The following PCDHGA10 variants were observed in gnomAD, a reference collection of about 807,000 sequenced individuals.
The protein encoded by PCDHGA10 is protocadherin gamma-A10.
PCDHGA10 carries 42 observed loss-of-function variants against 59.5 expected under a neutral mutation model. That is an observed-to-expected ratio of 0.71 (90% CI 0.55 to 0.91). PCDHGA10 has a LOEUF of 0.91. PCDHGA10 is among the 40% of genes least tolerant of loss of function. PCDHGA10 has a pLI of 0.00. For synonymous variants in PCDHGA10, 511 were observed against 517.2 expected, an observed-to-expected ratio of 0.99 and a Z score of 0.16; for missense variants, 1,111 against 1,198.2, an observed-to-expected ratio of 0.93 and a Z score of 1.07.
intron 3 of PCDHGA10, among the ~76,000 whole-genome samples, chr5:141,509,139 A>G (rs1042555376): frequency 2.6e-5 from 4 of 152,140 alleles, no homozygotes; most frequent in African/African-American, 9.7e-5. Flanking sequence ...ACCGAGGCGC[A>G]TCCCGGCTCT....
At chr5:141,502,056 C>A (rs1163976282) in intron 2 of PCDHGA10, among the ~76,000 whole-genome samples, 1 of 152,116 alleles carries the variant, frequency 6.6e-6, no homozygotes, top group Non-Finnish European at 1.5e-5. Context: ...CTACTTTATT[C>A]CCATTAGCCC....
chr5:141,500,877 A>ATTT (rs369345007), intron 2 of PCDHGA10, among the ~76,000 whole-genome samples: 1 of 122,288 alleles, frequency 8.2e-6, no homozygotes, highest in Admixed American at 8.0e-5. Context: ...TTCATTTACA[A>ATTT]TTTTTTTTTT....
Position 141,415,153 on chromosome 5 carries a change from G to A in PCDHGA10, c.1978G>A (p.Ala660Thr). The A allele has an allele frequency of 2.5e-6, 4 of 1,613,780 alleles. No individual in the cohort carries two copies. Among genetic ancestry groups the A allele is most frequent in the South Asian group, 2.2e-5 (2 of 91,078 alleles). Residue 660 changes from alanine to threonine, a missense_variant, in exon 1 of 4, where the codon GCC (alanine) becomes ACC (threonine). By Grantham distance (58) the Ala-to-Thr change is moderately conservative. Coordinates refer to ENST00000398610, the MANE Select transcript of PCDHGA10 (RefSeq NM_018913.3). ...GGACCACGGCCAGCCCCCTCTCTCC[G>A]CCACTGTCACGCTCACCGTGGCCGT... The part of the protein sequence containing the change: ...VQDHGQPPLS[A>T]TVTLTVAVAD...
At chr5:141,418,878 A>G (rs1193526475) in intron 1 of PCDHGA10, 2 of 1,613,930 alleles carry the variant, frequency 1.2e-6, no homozygotes, top group Non-Finnish European at 8.5e-7. Context: ...GTTGTAGACG[A>G]AAACGACAAC....
intron 1 of PCDHGA10, among the ~76,000 whole-genome samples, chr5:141,443,726 TAC>T: frequency 6.6e-6 from 1 of 152,262 alleles, no homozygotes; most frequent in Admixed American, 6.5e-5. Flanking sequence ...AAATTCCTCA[TAC>T]ATTTCCCTAT....
intron 1 of PCDHGA10, chr5:141,428,419 CTCTGT>C (rs2097138377): frequency 4.4e-6 from 2 of 451,802 alleles, no homozygotes; most frequent in African/African-American, 2.0e-5. Context: ...TCACCCTGGT[CTCTGT>C]TCTAAGACTA....
chr5:141,487,512 C>T lies in PCDHGA10; in HGVS notation c.2437-7295C>T, dbSNP rs372606253. The stretch of plus-strand genomic sequence containing the variant: ...TGTACACCCTTGGCTTCTGCACCCA[C>T]TCGGAGTGATAGCTTCATGATGGTG... On this transcript the variant is annotated intron_variant, in intron 1 of 3. Transcript: ENST00000398610. This position sits in a 1 kb window ranked among gnomAD's most constrained non-coding sequence, Gnocchi z 5.0. 3.7e-6 allele frequency: 6 copies of T among 1,614,082 alleles called. No homozygotes were observed. The highest frequency in any genetic ancestry group is 5.1e-6 in the Non-Finnish European group (6 of 1,180,044).
intron 1 of PCDHGA10, among the ~76,000 whole-genome samples, chr5:141,484,454 G>A (rs932663778): frequency 6.6e-6 from 1 of 152,212 alleles, no homozygotes; most frequent in African/African-American, 2.4e-5. Context: ...AATTGGCTAC[G>A]TTAATGTGTA....
At chr5:141,462,039 T>A (rs569871892) in intron 1 of PCDHGA10, among the ~76,000 whole-genome samples, 1 of 152,276 alleles carries the variant, frequency 6.6e-6, no homozygotes, top group Non-Finnish European at 1.5e-5. Flanking sequence ...GTCAGGCGGG[T>A]CTTGAACTCC....
chr5:141,453,022 T>C (rs1222692572), intron 1 of PCDHGA10, among the ~76,000 whole-genome samples: 1 of 152,230 alleles, frequency 6.6e-6, no homozygotes, highest in Non-Finnish European at 1.5e-5. Flanking sequence ...ATGTGATTCA[T>C]TAAAATAAAG....
At chr5:141,499,289 C>T in intron 2 of PCDHGA10, among the ~76,000 whole-genome samples, 1 of 152,212 alleles carries the variant, frequency 6.6e-6, no homozygotes, top group African/African-American at 2.4e-5. Context: ...GATGGCTCCA[C>T]ACTACCATCC....
chr5:141,469,595 CAAAAT>C (rs919167679), intron 1 of PCDHGA10, among the ~76,000 whole-genome samples: 3 of 151,998 alleles, frequency 2.0e-5, no homozygotes, highest in Admixed American at 6.6e-5. Context: ...ATAAATAAAA[CAAAAT>C]AAGTAAAATA....
In PCDHGA10 at chr5:141,500,527, A is replaced by C. The variant is rs937551961; in HGVS notation, c.2496-4866A>C. On this transcript the variant is annotated intron_variant, in intron 2 of 3. Transcript: ENST00000398610. ...CCTGGCCGAGCTTCATTTTAAAAAA[A>C]TCTCATTCACCTAAATAAGTTGTTC... is the stretch of plus-strand genomic sequence containing the variant. 5.9e-5 allele frequency among the ~76,000 whole-genome samples: 9 copies of C among 152,298 alleles called. No individual in the cohort carries two copies. The South Asian group carries it at 6.2e-4, about 11-fold the overall frequency.
At chr5:141,441,818 TG>T in intron 1 of PCDHGA10, 1 of 359,922 alleles carries the variant, frequency 2.8e-6, no homozygotes, top group Non-Finnish European at 5.5e-6. Flanking sequence ...ACCCCAGCTC[TG>T]GAGCGCAATG....
chr5:141,442,414 ACTT>A (rs1258523193), intron 1 of PCDHGA10: 2 of 152,190 alleles, frequency 1.3e-5, no homozygotes, highest in Non-Finnish European at 2.9e-5. Flanking sequence ...GGCTGAGTGA[ACTT>A]CTTTTTTGAA....
At position 141,491,832 on chromosome 5, in the gene PCDHGA10, C is replaced by T. The variant is rs755882255; in HGVS notation, c.2437-2975C>T. On this transcript the variant is annotated intron_variant, in intron 1 of 3. Coordinates refer to ENST00000398610, the MANE Select transcript of PCDHGA10 (RefSeq NM_018913.3). The surrounding 1 kb of genome is among the most constrained non-coding windows in gnomAD (Gnocchi z 6.9). ...GTCGCTGGCTGCGCTCCACCCGATT[C>T]TCGGGATCATTGGACCGTTTGCGCG... 1.6e-5 allele frequency: 24 copies of T among 1,474,306 alleles called. No individual in the cohort carries two copies. The highest frequency in any genetic ancestry group is 2.0e-5 in the Non-Finnish European group (22 of 1,112,688). 91.3% of individuals were successfully genotyped at this position (1,474,306 alleles called of 1,614,324 possible). A position where few individuals can be genotyped will look rare whatever the true frequency, so the allele number is the denominator to read the frequency against.
intron 1 of PCDHGA10, among the ~76,000 whole-genome samples, chr5:141,466,021 G>A (rs2099115061): frequency 6.6e-6 from 1 of 151,934 alleles, no homozygotes; most frequent in Admixed American, 6.6e-5. Flanking sequence ...ACTCGGGAGG[G>A]TGAGGCAGGA....
chr5:141,422,833 C>T, intron 1 of PCDHGA10: 2 of 1,614,224 alleles, frequency 1.2e-6, no homozygotes, highest in East Asian at 2.2e-5. Context: ...AGTGATAGCA[C>T]GTGACAGCGG....
chr5:141,424,052 G>A, intron 1 of PCDHGA10: 1 of 1,012,010 alleles, frequency 9.9e-7, no homozygotes, highest in South Asian at 4.7e-5. Flanking sequence ...CAATTTTGCT[G>A]TGCCTTCACT....
Sources: allele counts gnomAD v4.1 joint callset (sites outside exome capture counted in the v4.1 genomes callset), GRCh38; gene constraint gnomAD v4.1.1; non-coding constraint Gnocchi (gnomAD v3.1); transcripts MANE v1.5; gene names NCBI Gene and HGNC (gene_info 2026-07-23, HGNC 2026-07-21).